Variants in DCDC1 observed in about 807,000 individuals in gnomAD.
DCDC1 encodes doublecortin domain-containing protein 1.
In DCDC1, 200 loss-of-function variants were observed where a neutral mutation model predicts 178.3. That is an observed-to-expected ratio of 1.12 (90% CI 1.00 to 1.26). The LOEUF is 1.26. Among genes scored for constraint, DCDC1 ranks in the 50% most tolerant of loss-of-function variants. The probability of loss-of-function intolerance (pLI) is 0.00; values close to 1 mark genes in which losing one functional copy is unlikely to be tolerated. For synonymous variants in DCDC1, 690 were observed against 604.8 expected, an observed-to-expected ratio of 1.14 and a Z score of -2.07; for missense variants, 1,983 against 1,749.2, an observed-to-expected ratio of 1.13 and a Z score of -2.38.
intron 7 of DCDC1, chr11:31,280,614 T>C (rs2137274201): frequency 7.2e-6 from 3 of 415,198 alleles, no homozygotes; most frequent in South Asian, 2.3e-5. Flanking sequence ...ATGGTATACA[T>C]AAAAAAGTCA....
intron 27 of DCDC1, among the ~76,000 whole-genome samples, chr11:30,913,023 A>T (rs1945552267): frequency 6.6e-6 from 1 of 152,220 alleles, no homozygotes; most frequent in Admixed American, 6.5e-5. Flanking sequence ...ATGTCAAGGG[A>T]AGATGTGCAA....
chr11:31,060,143 G>T (rs898613107), intron 20 of DCDC1, among the ~76,000 whole-genome samples: 1 of 152,010 alleles, frequency 6.6e-6, no homozygotes, highest in Non-Finnish European at 1.5e-5. Context: ...AGTAGAGTTT[G>T]AATTTATATT....
intron 1 of DCDC1, among the ~76,000 whole-genome samples, chr11:31,359,323 C>G (rs1161210770): frequency 6.6e-6 from 1 of 151,194 alleles, no homozygotes; most frequent in Non-Finnish European, 1.5e-5. Context: ...TCTCGGTAAA[C>G]TATCGCAAGA....
chr11:31,077,180 A>G (rs1956913732), intron 18 of DCDC1, among the ~76,000 whole-genome samples: 1 of 152,188 alleles, frequency 6.6e-6, no homozygotes, highest in African/African-American at 2.4e-5. Context: ...AAATATAGAC[A>G]GTAAAGCCCA....
intron 9 of DCDC1, among the ~76,000 whole-genome samples, chr11:31,208,741 C>A (rs1391811954): frequency 6.6e-6 from 1 of 152,208 alleles, no homozygotes; most frequent in African/African-American, 2.4e-5. Context: ...CTCTGTCCTA[C>A]ACCAGGGCCT....
At chr11:30,959,992 C>T (rs1204023424) in intron 20 of DCDC1, among the ~76,000 whole-genome samples, 1 of 152,066 alleles carries the variant, frequency 6.6e-6, no homozygotes, top group Non-Finnish European at 1.5e-5. Flanking sequence ...TAAACTTCTT[C>T]AGGCTACTGT....
chr11:30,924,357 A>C (rs1190222596), intron 23 of DCDC1, among the ~76,000 whole-genome samples: 1 of 151,876 alleles, frequency 6.6e-6, no homozygotes, highest in Non-Finnish European at 1.5e-5. Context: ...TCTGTTTAAG[A>C]CTCTCTCCAG....
Position 31,110,341 on chromosome 11 carries a change from G to GT in DCDC1, c.1505dup (p.Asn502LysfsTer11), listed in dbSNP as rs1565296798. ...TGATACCAACAGAGATCTCTCCAGT[G>GT]TTTTTACCATTTTCAAATACCTGAA... On this transcript the variant is annotated frameshift_variant, in exon 12 of 39. Coordinates refer to ENST00000684477, the MANE Select transcript of DCDC1 (RefSeq NM_001387274.1). LOFTEE classifies it high-confidence loss of function. 2 of 702,910 alleles carry GT rather than the reference G, an allele frequency of 2.8e-6. No individual in the cohort carries two copies. The highest frequency in any genetic ancestry group is 5.2e-6 in the Non-Finnish European group (2 of 384,042). 43.5% of individuals were successfully genotyped at this position (702,910 alleles called of 1,614,324 possible). A position where few individuals can be genotyped will look rare whatever the true frequency, so the allele number is the denominator to read the frequency against.
chr11:31,103,421 G>A (rs190112471), intron 14 of DCDC1, among the ~76,000 whole-genome samples: 195 of 152,076 alleles, frequency 1.3e-3, no homozygotes, highest in Admixed American at 2.5e-3. Context: ...ACTATACTTC[G>A]CTCATGGCCC....
chr11:31,252,039 G>C (rs1024894501), intron 8 of DCDC1, among the ~76,000 whole-genome samples: 1 of 152,154 alleles, frequency 6.6e-6, no homozygotes, highest in Non-Finnish European at 1.5e-5. Context: ...TTTTAAAATA[G>C]TGTTAATAGA....
intron 22 of DCDC1, among the ~76,000 whole-genome samples, chr11:30,930,883 G>A (rs1946882934): frequency 6.6e-6 from 1 of 152,052 alleles, no homozygotes; most frequent in Non-Finnish European, 1.5e-5. Context: ...TCAATTTCAG[G>A]CTTGACTTTA....
At chr11:31,228,540 G>T (rs1975317816) in intron 9 of DCDC1, among the ~76,000 whole-genome samples, 1 of 151,876 alleles carries the variant, frequency 6.6e-6, no homozygotes, top group Non-Finnish European at 1.5e-5. Flanking sequence ...TACATAAGCA[G>T]AAGTAAGGAA....
At chr11:30,953,897 T>C (rs1000782097) in intron 20 of DCDC1, among the ~76,000 whole-genome samples, 3 of 149,766 alleles carry the variant, frequency 2.0e-5, no homozygotes, top group African/African-American at 7.4e-5. Flanking sequence ...TCTAGATGAA[T>C]AAGAATGTAA....
chr11:30,873,362 T>TAGAGAGAGAGAG lies in DCDC1; in HGVS notation c.*40+5181_*40+5182insCTCTCTCTCTCT, dbSNP rs1220218244. Among the ~76,000 whole-genome samples the TAGAGAGAGAGAG allele has an allele frequency of 1.1e-3, 150 of 138,036 alleles. 1 individual carries two copies. The highest frequency in any genetic ancestry group is 3.9e-3 in the African/African-American group (143 of 36,610). The allele number at this position is 138,036 out of a possible 152,430, so 90.6% of individuals were successfully genotyped here. ...GTATATACATATATATATATATATA[T>TAGAGAGAGAGAG]ATAGAGAGAGAGAGAGAGAGAGAGA... On this transcript the variant is annotated intron_variant, in intron 38 of 38. Transcript: ENST00000684477.
intron 8 of DCDC1, among the ~76,000 whole-genome samples, chr11:31,243,406 T>C (rs996958800): frequency 1.3e-5 from 2 of 151,756 alleles, no homozygotes; most frequent in African/African-American, 4.8e-5. Context: ...CATAAATAGA[T>C]ATTAAGTTGA....
chr11:31,109,899 C>A (rs1456521474), intron 12 of DCDC1, among the ~76,000 whole-genome samples: 1 of 152,146 alleles, frequency 6.6e-6, no homozygotes, highest in South Asian at 2.1e-4. Flanking sequence ...ATGTTAATTA[C>A]TCAGAATCTA....
chr11:31,004,604 C>G (rs888898269), intron 20 of DCDC1, among the ~76,000 whole-genome samples: 4 of 150,424 alleles, frequency 2.7e-5, no homozygotes, highest in African/African-American at 9.8e-5. Flanking sequence ...AATGGCATAT[C>G]CCGGGAGGCG....
At chr11:31,256,673 G>T (rs1944432775) in intron 8 of DCDC1, among the ~76,000 whole-genome samples, 1 of 152,164 alleles carries the variant, frequency 6.6e-6, no homozygotes, top group Non-Finnish European at 1.5e-5. Context: ...ATTGGGTCAT[G>T]TAGTTGAATA....
At chr11:31,030,506 A>G (rs1258653940) in intron 20 of DCDC1, among the ~76,000 whole-genome samples, 1 of 152,050 alleles carries the variant, frequency 6.6e-6, no homozygotes, top group African/African-American at 2.4e-5. Context: ...TTTGCCTGGT[A>G]TGTGCCATTG....
Sources: gnomAD v4.1 joint callset for allele counts (sites outside exome capture counted in the v4.1 genomes callset) on GRCh38, gnomAD v4.1.1 for gene constraint, MANE v1.5 for transcripts, NCBI Gene and HGNC (gene_info 2026-07-23, HGNC 2026-07-21) for gene names.